CDH22: variants seen among roughly 807,000 people sequenced by gnomAD.
CDH22 encodes cadherin 22.
Under a neutral mutation model 58.4 loss-of-function variants are expected in CDH22, and 30 were observed. The observed-to-expected ratio is 0.51, with a 90% confidence interval of 0.38 to 0.70. The LOEUF (loss-of-function observed/expected upper bound fraction) is 0.70. Among genes scored for constraint, CDH22 ranks in the 30% least tolerant of loss-of-function variants. CDH22 has a pLI of 0.00. For missense variants in CDH22, 1,014 were observed against 1,233.9 expected, an observed-to-expected ratio of 0.82 and a Z score of 2.67; for synonymous variants, 513 against 558.2, an observed-to-expected ratio of 0.92 and a Z score of 1.14.
chr20:46,267,179 A>T (rs1264503675), intron 1 of CDH22, among the ~76,000 whole-genome samples: 1 of 152,046 alleles, frequency 6.6e-6, no homozygotes, highest in East Asian at 1.9e-4. Flanking sequence ...GAACTAGGAA[A>T]GTCTGGTGCC....
chr20:46,210,512 G>A lies in CDH22; in HGVS notation c.1081C>T (p.Leu361Phe), dbSNP rs201878745. 4.2e-6 allele frequency: 6 copies of A among 1,435,994 alleles called. No individual in the cohort carries two copies. The highest frequency in any genetic ancestry group is 3.0e-5 in the African/African-American group (2 of 67,250). 89.0% of individuals were successfully genotyped at this position (1,435,994 alleles called of 1,614,324 possible). A position where few individuals can be genotyped will look rare whatever the true frequency, so the allele number is the denominator to read the frequency against. The change falls in exon 7 of 12, where the codon CTC becomes TTC. Residue 361 changes from leucine (L) to phenylalanine (F), a missense_variant. Transcript: ENST00000537909. This position sits in a 1 kb window ranked among gnomAD's most constrained non-coding sequence, Gnocchi z 4.5. The stretch of plus-strand genomic sequence containing the variant: ...AAGCGGGGGTCCACGAACTTGTTGA[G>A]GGCCTCCAGGATCACGGTGTGCACG... Reference protein sequence around the residue: ...QPVHTVILEALNKFVDPRFAD... With the variant: ...QPVHTVILEAFNKFVDPRFAD...
intron 1 of CDH22, among the ~76,000 whole-genome samples, chr20:46,280,143 G>T (rs2086543039): frequency 6.6e-6 from 1 of 152,136 alleles, no homozygotes; most frequent in African/African-American, 2.4e-5. Context: ...CAACAGCCCG[G>T]GTGCGGTAGC....
Position 46,178,044 on chromosome 20 carries a change from C to G in CDH22, c.1817G>C (p.Gly606Ala). Reference sequence around the variant, plus strand: ...CGTGGTGTTGCAGGACTGGATGGTGCCGGAGCTGTCGCAGCCACAGATGCG... The same window carrying G: ...CGTGGTGTTGCAGGACTGGATGGTGGCGGAGCTGTCGCAGCCACAGATGCG... ...TIRICGCDSSGTIQSCNTTAF... is the reference protein window; with the variant it reads ...TIRICGCDSSATIQSCNTTAF... The change falls in exon 11 of 12, where the codon GGC becomes GCC. Residue 606 changes from glycine (G) to alanine (A), a missense_variant. Physicochemically the swap from Gly to Ala is moderately conservative, Grantham distance 60. Transcript: ENST00000537909. 6.2e-7 allele frequency: 1 copy of G among 1,613,766 alleles called. No individual in the cohort carries two copies. Among genetic ancestry groups the G allele is most frequent in the Non-Finnish European group, 8.5e-7 (1 of 1,179,944 alleles).
At chr20:46,182,422 C>T (rs1318451824) in intron 10 of CDH22, among the ~76,000 whole-genome samples, 1 of 152,192 alleles carries the variant, frequency 6.6e-6, no homozygotes, top group African/African-American at 2.4e-5. Context: ...AGTGGAGGCA[C>T]AGAGAAGTAG....
intron 8 of CDH22, among the ~76,000 whole-genome samples, chr20:46,190,986 C>T (rs2085858785): frequency 6.6e-6 from 1 of 152,140 alleles, no homozygotes; most frequent in South Asian, 2.1e-4. Context: ...CAATCTGGAA[C>T]TGAAACCTGT....
intron 7 of CDH22, among the ~76,000 whole-genome samples, chr20:46,199,787 T>C (rs2085941627): frequency 6.6e-6 from 1 of 152,158 alleles, no homozygotes; most frequent in Admixed American, 6.5e-5. Flanking sequence ...TGAGCCTCAG[T>C]TTCCTCAGTT....
chr20:46,232,700 C>T (rs977669995), intron 3 of CDH22, among the ~76,000 whole-genome samples: 2 of 152,092 alleles, frequency 1.3e-5, no homozygotes, highest in Non-Finnish European at 2.9e-5. Context: ...AACCACTTGT[C>T]GAGTCTCTGG....
intron 1 of CDH22, among the ~76,000 whole-genome samples, chr20:46,293,781 C>T (rs1467957000): frequency 6.6e-6 from 1 of 152,136 alleles, no homozygotes; most frequent in African/African-American, 2.4e-5. Context: ...CTTTCGAAGG[C>T]CAAGGCGGGC....
chr20:46,183,515 A>G (rs1265041789), intron 10 of CDH22, among the ~76,000 whole-genome samples: 2 of 152,210 alleles, frequency 1.3e-5, no homozygotes, highest in Admixed American at 6.5e-5. Context: ...TGGAGCCTCA[A>G]ACTCCTAGGC....
intron 4 of CDH22, among the ~76,000 whole-genome samples, chr20:46,225,187 C>T (rs893161952): frequency 2.0e-5 from 3 of 152,222 alleles, no homozygotes; most frequent in Non-Finnish European, 4.4e-5. Flanking sequence ...AATGCATGTG[C>T]TCTTTGACCA....
chr20:46,215,886 CA>C (rs1001114145), intron 5 of CDH22, among the ~76,000 whole-genome samples: 1 of 152,156 alleles, frequency 6.6e-6, no homozygotes, highest in African/African-American at 2.4e-5. Context: ...GGAGATTGGG[CA>C]GTGGGATGGC....
chr20:46,275,792 GAA>G (rs3092579), intron 1 of CDH22, among the ~76,000 whole-genome samples: 10 of 147,238 alleles, frequency 6.8e-5, no homozygotes, highest in South Asian at 4.3e-4. Context: ...GACCATAGGT[GAA>G]AAAAAAAAAA....
intron 3 of CDH22, among the ~76,000 whole-genome samples, chr20:46,232,582 T>C (rs1420357910): frequency 6.6e-6 from 1 of 152,216 alleles, no homozygotes; most frequent in Admixed American, 6.5e-5. Context: ...CCCCACTGGG[T>C]CTGGGGAAAC....
intron 3 of CDH22, among the ~76,000 whole-genome samples, chr20:46,235,605 G>A (rs1229056973): frequency 2.0e-5 from 3 of 152,222 alleles, no homozygotes; most frequent in African/African-American, 4.8e-5. Flanking sequence ...CATCTCAGCC[G>A]CAGTAGCTCC....
chr20:46,289,889 T>C (rs149362513), intron 1 of CDH22, among the ~76,000 whole-genome samples: 5 of 152,336 alleles, frequency 3.3e-5, no homozygotes, highest in African/African-American at 1.2e-4. Flanking sequence ...CCAACTTGGC[T>C]TCATGTTTGA....
chr20:46,192,325 T>C (rs1294124744), intron 8 of CDH22, among the ~76,000 whole-genome samples: 1 of 152,154 alleles, frequency 6.6e-6, no homozygotes, highest in East Asian at 1.9e-4. Context: ...GGGGAGAAAC[T>C]GAGACCTTCT....
intron 8 of CDH22, among the ~76,000 whole-genome samples, chr20:46,190,385 G>C (rs1352598426): frequency 1.3e-5 from 2 of 152,182 alleles, no homozygotes; most frequent in South Asian, 4.1e-4. Flanking sequence ...TTCAGCGCTT[G>C]GTCCTGATAC....
At chr20:46,221,005 C>T (rs1416938245) in intron 4 of CDH22, among the ~76,000 whole-genome samples, 1 of 152,130 alleles carries the variant, frequency 6.6e-6, no homozygotes, top group African/African-American at 2.4e-5. Flanking sequence ...GCAAGTGTGA[C>T]AAAAGCAGAG....
chr20:46,307,723 G>GCA (rs1195584798), intron 1 of CDH22, among the ~76,000 whole-genome samples: 3 of 151,896 alleles, frequency 2.0e-5, no homozygotes, highest in South Asian at 4.2e-4. Context: ...GCACGACCTC[G>GCA]CACACACACA....
Sources: allele counts gnomAD v4.1 joint callset (sites outside exome capture counted in the v4.1 genomes callset), GRCh38; gene constraint gnomAD v4.1.1; non-coding constraint Gnocchi (gnomAD v3.1); transcripts MANE v1.5; gene names NCBI Gene and HGNC (gene_info 2026-07-23, HGNC 2026-07-21).